TAOK1: variants seen among roughly 807,000 people sequenced by gnomAD.
TAOK1 encodes TAO kinase 1.
TAOK1 carries 21 observed loss-of-function variants against 138.3 expected under a neutral mutation model. That is an observed-to-expected ratio of 0.15 (90% CI 0.11 to 0.22). The LOEUF is 0.22. Ranked by LOEUF, TAOK1 falls within the 10% of genes least tolerant of loss-of-function variation. TAOK1 has a pLI of 1.00. For missense variants in TAOK1, 651 were observed against 1,227.7 expected, an observed-to-expected ratio of 0.53 and a Z score of 7.02; for synonymous variants, 361 against 398.4, an observed-to-expected ratio of 0.91 and a Z score of 1.12.
chr17:29,480,523 GTCTA>G lies in TAOK1; in HGVS notation c.563+44_563+47del, dbSNP rs1425320439. The G allele has an allele frequency of 2.7e-6, 4 of 1,501,596 alleles. No individual in the cohort carries two copies. In the African/African-American group the frequency reaches 5.5e-5, roughly 21 times the overall value. 93.0% of individuals were successfully genotyped at this position (1,501,596 alleles called of 1,614,324 possible). A position where few individuals can be genotyped will look rare whatever the true frequency, so the allele number is the denominator to read the frequency against. ...CAGTCAGCAGCTGTTTTAAGTGTCT[GTCTA>G]TGTTTAACATGAAATACAAATGAAG... On this transcript the variant is annotated intron_variant, in intron 7 of 19. Transcript: ENST00000261716.
At chr17:29,443,027 G>A (rs2153023565) in intron 1 of TAOK1, among the ~76,000 whole-genome samples, 1 of 152,206 alleles carries the variant, frequency 6.6e-6, no homozygotes, top group East Asian at 1.9e-4. Context: ...TGTCTATCGA[G>A]GGAGGATATA....
intron 3 of TAOK1, among the ~76,000 whole-genome samples, chr17:29,467,819 A>G (rs371042427): frequency 6.6e-6 from 1 of 150,726 alleles, no homozygotes; most frequent in South Asian, 2.1e-4. Flanking sequence ...TTATTTATTT[A>G]TTTATTTATT....
At chr17:29,417,694 T>TTTC (rs1905302843) in intron 1 of TAOK1, among the ~76,000 whole-genome samples, 5 of 152,216 alleles carry the variant, frequency 3.3e-5, no homozygotes, top group African/African-American at 1.2e-4. Context: ...GTATATCTCC[T>TTTC]TGGCCTGCTT....
Position 29,508,088 on chromosome 17 carries a change from A to G in TAOK1, c.1531A>G (p.Met511Val), listed in dbSNP as rs771686933. 7 of 1,614,138 alleles carry G rather than the reference A, an allele frequency of 4.3e-6. No individual in the cohort carries two copies. The Admixed American group carries it at 6.7e-5, about 15-fold the overall frequency. ...ETQRNNFAAE[M>V]EKLIKKHQAA... ...TCAGCGTAACAATTTTGCTGCAGAA[A>G]TGGAGAAACTTATCAAGAAACACCA... The change falls in exon 14 of 20, where the codon ATG (methionine) becomes GTG (valine). Residue 511 changes from methionine (M) to valine (V), a missense_variant. Met to Val is a conservative substitution (Grantham distance 21). Around this residue, in one of 8 missense-constraint regions of TAOK1, gnomAD observed 258 missense variants for 548.9 expected, o/e 0.47. Coordinates refer to ENST00000261716, the MANE Select transcript of TAOK1 (RefSeq NM_020791.4).
At chr17:29,392,073 G>A (rs1194565422) in intron 1 of TAOK1, among the ~76,000 whole-genome samples, 1 of 152,128 alleles carries the variant, frequency 6.6e-6, no homozygotes, top group African/African-American at 2.4e-5. Flanking sequence ...AAAATTAGCT[G>A]GGCATGGTGG....
intron 18 of TAOK1, chr17:29,530,874 G>A (rs1484748725): frequency 2.1e-6 from 1 of 487,642 alleles, no homozygotes; most frequent in South Asian, 2.3e-5. Flanking sequence ...ACACCTTATT[G>A]AGATTAGAAT....
Position 29,480,849 on chromosome 17 carries a change from G to C in TAOK1, c.563+368G>C, listed in dbSNP as rs1227124315. 3.3e-5 allele frequency among the ~76,000 whole-genome samples: 4 copies of C among 120,414 alleles called. No homozygotes were observed. The Admixed American group carries it at 4.0e-4, about 12-fold the overall frequency. The allele number at this position is 120,414 out of a possible 152,430, so 79.0% of individuals were successfully genotyped here. A position where few individuals can be genotyped will look rare whatever the true frequency, so the allele number is the denominator to read the frequency against. ...TGTGCCACTGTACTCCAGCCTGGGC[G>C]ACAGAGTGAGACCCTGTCTCTCAAA... On this transcript the variant is annotated intron_variant, in intron 7 of 19. Transcript: ENST00000261716.
chr17:29,411,130 C>T (rs1481083907), intron 1 of TAOK1, among the ~76,000 whole-genome samples: 32 of 112,514 alleles, frequency 2.8e-4, no homozygotes, highest in East Asian at 1.1e-3. Context: ...CTCGCTCTGT[C>T]GCCCAGGCTG....
rs938727540 is a variant in TAOK1 at position 29,551,134 on chromosome 17, C to A, written c.*8112C>A. On this transcript the variant is annotated 3_prime_UTR_variant, in exon 20 of 20. Transcript: ENST00000261716. ...GAATATGTTAATTAAGCAAGAGGTT[C>A]TTTTCTAAAAGTGGTATCTGTTATC... 3 of 152,126 alleles carry A rather than the reference C, an allele frequency of 2.0e-5. No individual in the cohort carries two copies. The highest frequency in any genetic ancestry group is 6.5e-5 in the Admixed American group (1 of 15,268). 9.4% of individuals were successfully genotyped at this position (152,126 alleles called of 1,614,324 possible).
intron 2 of TAOK1, among the ~76,000 whole-genome samples, chr17:29,464,516 A>T (rs1480704525): frequency 6.6e-6 from 1 of 152,064 alleles, no homozygotes; most frequent in East Asian, 1.9e-4. Flanking sequence ...CTGCTAATGT[A>T]CTAAAGGCCA....
In TAOK1 at chr17:29,532,960, G is replaced by A. The variant is rs577341856; in HGVS notation, c.2362-1158G>A. Among the ~76,000 whole-genome samples the A allele has an allele frequency of 2.5e-3, 333 of 135,000 alleles. 5 individuals are homozygous for A. The highest frequency in any genetic ancestry group is 8.7e-3 in the African/African-American group (314 of 36,106). The allele number at this position is 135,000 out of a possible 152,430, so 88.6% of individuals were successfully genotyped here. A position where few individuals can be genotyped will look rare whatever the true frequency, so the allele number is the denominator to read the frequency against. On this transcript the variant is annotated intron_variant, in intron 18 of 19. Transcript: ENST00000261716. ...GGGCTGACCCCCCCACCTCCCTCCC[G>A]GACGGGGCGGGTGGCCGGGCAGGGG...
intron 1 of TAOK1, among the ~76,000 whole-genome samples, chr17:29,436,780 A>G (rs1356064225): frequency 6.6e-6 from 1 of 152,204 alleles, no homozygotes; most frequent in African/African-American, 2.4e-5. Context: ...ATATAACCTA[A>G]AGAAGATTAA....
At chr17:29,445,749 C>G (rs1041371580) in intron 1 of TAOK1, among the ~76,000 whole-genome samples, 1 of 151,862 alleles carries the variant, frequency 6.6e-6, no homozygotes, top group African/African-American at 2.4e-5. Flanking sequence ...ATGTTGATGA[C>G]TTTTGCTTTT....
chr17:29,495,752 A>G (rs2031400628), intron 11 of TAOK1, 25 bp downstream of exon 11: 2 of 1,537,724 alleles, frequency 1.3e-6, no homozygotes, highest in East Asian at 2.3e-5. Flanking sequence ...AATGACTCCA[A>G]TATTGAATTT....
At chr17:29,472,715 C>A (rs577261575) in intron 3 of TAOK1, among the ~76,000 whole-genome samples, 8 of 152,038 alleles carry the variant, frequency 5.3e-5, no homozygotes, top group Admixed American at 1.3e-4. Context: ...GCTGGGATTA[C>A]AGTCATGCAC....
At chr17:29,456,871 C>G (rs1483937241) in intron 2 of TAOK1, among the ~76,000 whole-genome samples, 1 of 149,680 alleles carries the variant, frequency 6.7e-6, no homozygotes, top group Non-Finnish European at 1.5e-5. Flanking sequence ...GTAGCTGGGA[C>G]TACAGGCGCC....
chr17:29,463,239 A>C (rs951491175), intron 2 of TAOK1, among the ~76,000 whole-genome samples: 4 of 152,256 alleles, frequency 2.6e-5, no homozygotes, highest in Non-Finnish European at 5.9e-5. Flanking sequence ...GTAAATGCAA[A>C]ATAATGAAAT....
At chr17:29,450,701 A>T (rs542280599) in intron 1 of TAOK1, among the ~76,000 whole-genome samples, 3 of 152,092 alleles carry the variant, frequency 2.0e-5, no homozygotes, top group Admixed American at 6.6e-5. Flanking sequence ...ATTTTTGTAG[A>T]GGCAGGGTCT....
chr17:29,415,260 C>T (rs974439383), intron 1 of TAOK1, among the ~76,000 whole-genome samples: 10 of 152,218 alleles, frequency 6.6e-5, no homozygotes, highest in African/African-American at 2.2e-4. Context: ...TGAGCCACCG[C>T]GCCCAGCTGT....
Sources: gnomAD v4.1 joint callset for allele counts (sites outside exome capture counted in the v4.1 genomes callset) on GRCh38, gnomAD v4.1.1 for gene constraint, gnomAD v4.1.1 regional missense constraint, MANE v1.5 for transcripts, NCBI Gene and HGNC (gene_info 2026-07-23, HGNC 2026-07-21) for gene names.